Variants in ADCY9 observed in about 807,000 individuals in gnomAD.
ADCY9 encodes adenylate cyclase type 9.
In ADCY9, 50 loss-of-function variants were observed where a neutral mutation model predicts 101.5. That is an observed-to-expected ratio of 0.49 (90% CI 0.39 to 0.62). ADCY9 has a LOEUF of 0.62. ADCY9 is among the 20% of genes least tolerant of loss of function. The pLI is 0.00. For synonymous variants in ADCY9, 905 were observed against 769.3 expected, an observed-to-expected ratio of 1.18 and a Z score of -2.92; for missense variants, 1,662 against 1,800.4, an observed-to-expected ratio of 0.92 and a Z score of 1.39.
At chr16:3,956,912 G>A (rs1428847783) in intron 5 of ADCY9, among the ~76,000 whole-genome samples, 1 of 151,962 alleles carries the variant, frequency 6.6e-6, no homozygotes, top group African/African-American at 2.4e-5. Flanking sequence ...CAGAGATCAG[G>A]CTTATTTGAG....
chr16:3,999,581 C>T (rs1239179674), intron 3 of ADCY9, among the ~76,000 whole-genome samples: 1 of 152,180 alleles, frequency 6.6e-6, no homozygotes, highest in East Asian at 1.9e-4. Flanking sequence ...CAAGCAGCAC[C>T]CTGGGCCCTC....
chr16:4,102,671 C>G (rs1239600138), intron 2 of ADCY9, among the ~76,000 whole-genome samples: 1 of 152,080 alleles, frequency 6.6e-6, no homozygotes, highest in Non-Finnish European at 1.5e-5. Context: ...GTGATCCGCC[C>G]GCCTCGGCCT....
chr16:3,989,719 G>A (rs983242519), intron 5 of ADCY9, among the ~76,000 whole-genome samples: 3 of 152,196 alleles, frequency 2.0e-5, no homozygotes, highest in Non-Finnish European at 2.9e-5. Context: ...AGGAGAAGAT[G>A]AAGGCAGCTT....
At chr16:4,011,415 A>G (rs2056403628) in intron 2 of ADCY9, among the ~76,000 whole-genome samples, 1 of 152,184 alleles carries the variant, frequency 6.6e-6, no homozygotes, top group African/African-American at 2.4e-5. Flanking sequence ...CATAGGAGGC[A>G]TGAGGCGTAG....
At chr16:4,040,585 T>G (rs1567449547) in intron 2 of ADCY9, among the ~76,000 whole-genome samples, 1 of 151,670 alleles carries the variant, frequency 6.6e-6, no homozygotes. Context: ...GCCTCCCGAG[T>G]AGCTAGGATT....
intron 2 of ADCY9, among the ~76,000 whole-genome samples, chr16:4,108,947 C>T (rs1286808315): frequency 6.6e-6 from 1 of 152,004 alleles, no homozygotes; most frequent in Non-Finnish European, 1.5e-5. Flanking sequence ...CTCAGGTGAT[C>T]CGCCTACCTC....
intron 5 of ADCY9, among the ~76,000 whole-genome samples, chr16:3,956,792 G>A (rs2055909190): frequency 6.6e-6 from 1 of 151,924 alleles, no homozygotes; most frequent in Admixed American, 6.6e-5. Context: ...ACCGTGCCCG[G>A]CCAGCAATCT....
chr16:3,983,024 G>C, intron 7 of ADCY9: 1 of 593,172 alleles, frequency 1.7e-6, no homozygotes, highest in Non-Finnish European at 3.0e-6. Flanking sequence ...GCCCCCTCCA[G>C]CGAGGTGGTC....
rs774774591 is a variant in ADCY9, at chr16:3,966,949, C to T, written c.2888G>A (p.Cys963Tyr). The change falls in exon 11 of 11, where the codon TGC (cysteine) becomes TAC (tyrosine). Residue 963 changes from cysteine to tyrosine, a missense_variant. By Grantham distance (194) the Cys-to-Tyr change is radical. Around this residue, in one of 5 missense-constraint regions of ADCY9, gnomAD observed 624 missense variants for 639.1 expected, o/e 0.98. Transcript: ENST00000294016. ...GAGGTCACGCGGCACCGAACTATTG[C>T]ACGGGTTCCTCTCGGAACTGGAGAG... ...VQNFSSERNP[C>Y]NSSVPRDLRR... 67 of 1,612,056 alleles carry T rather than the reference C, an allele frequency of 4.2e-5. No homozygotes were observed. The South Asian group carries it at 6.3e-4, about 15-fold the overall frequency.
chr16:3,982,733 T>G, intron 7 of ADCY9: 1 of 158,490 alleles, frequency 6.3e-6, no homozygotes, highest in Admixed American at 6.2e-5. Flanking sequence ...GATGGTGTTC[T>G]TTGTAGCGCA....
intron 2 of ADCY9, among the ~76,000 whole-genome samples, chr16:4,088,223 A>G (rs1055146271): frequency 4.2e-4 from 64 of 152,158 alleles, no homozygotes; most frequent in African/African-American, 1.5e-3. Context: ...CATCGGTCTC[A>G]TGGTCAGCAT....
chr16:4,098,238 T>TGG (rs1567147360), intron 2 of ADCY9, among the ~76,000 whole-genome samples: 1 of 151,692 alleles, frequency 6.6e-6, no homozygotes, highest in African/African-American at 2.4e-5. Flanking sequence ...TGTTTTGTTT[T>TGG]TGTTTTTGGT....
chr16:4,100,897 G>C (rs1263945232), intron 2 of ADCY9, among the ~76,000 whole-genome samples: 1 of 152,204 alleles, frequency 6.6e-6, no homozygotes, highest in Non-Finnish European at 1.5e-5. Flanking sequence ...TGAGGGCAGG[G>C]TACATGACAG....
chr16:3,966,435 G>A lies in ADCY9; in HGVS notation c.3402C>T (p.His1134=). 2 of 1,614,140 alleles carry A rather than the reference G, an allele frequency of 1.2e-6. No individual in the cohort carries two copies. The highest frequency in any genetic ancestry group is 1.7e-6 in the Non-Finnish European group (2 of 1,180,042). Residue 1134 remains histidine (H), a synonymous_variant, in exon 11 of 11, where the codon CAC becomes CAT. Coordinates refer to ENST00000294016, the MANE Select transcript of ADCY9 (RefSeq NM_001116.4). ...QAQDGSHPQE[H]LQILFEFAKE... ...TGGCGAACTCGAACAGGATCTGCAG[G>A]TGCTCCTGCGGGTGGCTGCCGTCCT...
chr16:4,104,377 A>G (rs775805765), intron 2 of ADCY9, among the ~76,000 whole-genome samples: 3 of 152,230 alleles, frequency 2.0e-5, no homozygotes, highest in Non-Finnish European at 4.4e-5. Context: ...ACAGCATTTA[A>G]TATAATAGTG....
At chr16:3,967,007 G>T in intron 10 of ADCY9, 41 bp from the exon 11 acceptor site, 1 of 1,543,160 alleles carries the variant, frequency 6.5e-7, no homozygotes, top group South Asian at 1.2e-5. Context: ...GTTACTGCTC[G>T]GCGCTTCCAA....
intron 2 of ADCY9, among the ~76,000 whole-genome samples, chr16:4,061,520 T>A (rs2056773392): frequency 6.6e-6 from 1 of 152,080 alleles, no homozygotes; most frequent in South Asian, 2.1e-4. Flanking sequence ...ACAGCTGACT[T>A]CACGTTAGAA....
intron 3 of ADCY9, among the ~76,000 whole-genome samples, chr16:4,006,378 G>C (rs1373742154): frequency 2.0e-5 from 3 of 152,196 alleles, no homozygotes; most frequent in Non-Finnish European, 4.4e-5. Flanking sequence ...CAGAACCCGA[G>C]TGCAATCATT....
chr16:4,108,240 C>T (rs780679128), intron 2 of ADCY9, among the ~76,000 whole-genome samples: 3 of 152,054 alleles, frequency 2.0e-5, no homozygotes, highest in East Asian at 1.9e-4. Context: ...CGAGATAACA[C>T]GTCTCACCAT....
Sources: allele counts gnomAD v4.1 joint callset (sites outside exome capture counted in the v4.1 genomes callset), GRCh38; gene constraint gnomAD v4.1.1; regional missense constraint gnomAD v4.1.1; transcripts MANE v1.5; gene names NCBI Gene and HGNC (gene_info 2026-07-23, HGNC 2026-07-21).